The following SETX variants were observed in gnomAD, a reference collection of about 807,000 sequenced individuals.
SETX encodes the protein senataxin.
Under a neutral mutation model 227.2 loss-of-function variants are expected in SETX, and 90 were observed. The ratio of observed to expected loss-of-function variants is 0.40; its 90% CI spans 0.33 to 0.47. The LOEUF (loss-of-function observed/expected upper bound fraction) is 0.47. SETX is among the 20% of genes least tolerant of loss of function. The probability of loss-of-function intolerance (pLI) is 0.91; values close to 1 mark genes in which losing one functional copy is unlikely to be tolerated. For synonymous variants in SETX, 1,210 were observed against 1,113.2 expected, an observed-to-expected ratio of 1.09 and a Z score of -1.73; for missense variants, 3,052 against 3,181.5, an observed-to-expected ratio of 0.96 and a Z score of 0.98.
Position 132,271,775 on chromosome 9 carries a change from C to T in SETX, c.7134G>A (p.Gln2378=). 2 of 1,614,092 alleles carry T rather than the reference C, an allele frequency of 1.2e-6. No individual in the cohort carries two copies. Among genetic ancestry groups the T allele is most frequent in the Non-Finnish European group, 1.7e-6 (2 of 1,179,994 alleles). ...PAEVDTVDAF[Q]GRQKDCVIVT... is the part of the protein sequence containing the mutation. Reference sequence around the variant, plus strand: ...CAATAACACAATCCTTCTGCCGACCCTGGAATGCATCCACAGTGTCTACTT... The same window carrying T: ...CAATAACACAATCCTTCTGCCGACCTTGGAATGCATCCACAGTGTCTACTT... Residue 2378 remains glutamine (Q), a synonymous_variant, in exon 24 of 26, where the codon CAG becomes CAA. Transcript: ENST00000224140.
chr9:132,327,729 T>C lies in SETX; in HGVS notation c.3869A>G (p.Lys1290Arg), dbSNP rs1357542344. 1 of 1,614,100 alleles carries C rather than the reference T, an allele frequency of 6.2e-7. No homozygotes were observed. Among genetic ancestry groups the C allele is most frequent in the Non-Finnish European group, 8.5e-7 (1 of 1,180,042 alleles). The stretch of plus-strand genomic sequence containing the variant: ...CTCATATGCCTTACGAGGACCCTTT[T>C]TCAGGCCAAGTTTCTCAGCTGTTGA... ...PTSTAEKLGL[K>R]KGPRKAYELS... Residue 1290 changes from lysine to arginine, a missense_variant, in exon 10 of 26, where the codon AAA (lysine) becomes AGA (arginine). By Grantham distance (26) the Lys-to-Arg change is conservative. Coordinates refer to ENST00000224140, the MANE Select transcript of SETX (RefSeq NM_015046.7).
intron 15 of SETX, among the ~76,000 whole-genome samples, chr9:132,293,718 CCTG>C (rs1844482454): frequency 1.3e-5 from 2 of 152,036 alleles, no homozygotes; most frequent in South Asian, 4.1e-4. Flanking sequence ...CTGTGCCCAG[CCTG>C]CTAATTAAAA....
At chr9:132,302,305 C>T (rs1057310307) in intron 11 of SETX, among the ~76,000 whole-genome samples, 3 of 134,860 alleles carry the variant, frequency 2.2e-5, no homozygotes, top group East Asian at 2.4e-4. Flanking sequence ...TGCAGTGAGC[C>T]GAGATCACAC....
intron 10 of SETX, among the ~76,000 whole-genome samples, chr9:132,322,474 A>G (rs576272844): frequency 5.3e-5 from 8 of 152,314 alleles, no homozygotes; most frequent in African/African-American, 1.7e-4. Flanking sequence ...ACGGAATCAT[A>G]TAATATGTGA....
Position 132,269,648 on chromosome 9 carries a change from G to A in SETX, c.7254C>T (p.Ser2418=). 4 of 1,614,218 alleles carry A rather than the reference G, an allele frequency of 2.5e-6. No individual in the cohort carries two copies. Among genetic ancestry groups the A allele is most frequent in the Non-Finnish European group, 2.5e-6 (3 of 1,180,028 alleles). ...TCCTCAAATGTCCGAGGATGAAGAG[G>A]CTGTACTTGGCTCGTGTGATGGTGA... is the stretch of plus-strand genomic sequence containing the variant. ...LNVTITRAKY[S]LFILGHLRTL... Residue 2418 remains serine (S), a synonymous_variant, in exon 25 of 26, where the codon AGC becomes AGT. Coordinates refer to ENST00000224140, the MANE Select transcript of SETX (RefSeq NM_015046.7).
At chr9:132,295,390 C>T (rs1286034210) in intron 15 of SETX, among the ~76,000 whole-genome samples, 1 of 152,226 alleles carries the variant, frequency 6.6e-6, no homozygotes, top group Admixed American at 6.5e-5. Flanking sequence ...CTCAAAGCCT[C>T]ATCTTTCACC....
chr9:132,351,002 G>A (rs973259159), intron 2 of SETX, among the ~76,000 whole-genome samples: 1 of 152,114 alleles, frequency 6.6e-6, no homozygotes, highest in African/African-American at 2.4e-5. Context: ...CTAGTACAAG[G>A]GCACTGCAGA....
chr9:132,356,468 C>A (rs1362320117), upstream of SETX, among the ~76,000 whole-genome samples: 2 of 152,186 alleles, frequency 1.3e-5, no homozygotes, highest in Non-Finnish European at 2.9e-5. Flanking sequence ...TCCCAAAGTG[C>A]TGGGATTACA....
At position 132,293,247 on chromosome 9, in the gene SETX, A is replaced by G. The variant is rs559829515; in HGVS notation, c.6106+2625T>C. ...TTCATAACAAAAACACTAATGAGAA[A>G]GCAACTCTTTAACCTGGTAACGGGT... On this transcript the variant is annotated intron_variant, in intron 15 of 25. Transcript: ENST00000224140. 1.5e-4 allele frequency among the ~76,000 whole-genome samples: 23 copies of G among 152,310 alleles called. No individual in the cohort carries two copies. In the South Asian group the frequency reaches 4.3e-3, roughly 29 times the overall value.
rs551534329 is a variant in SETX, at chr9:132,328,479, C to T, written c.3119G>A (p.Cys1040Tyr). ...CTGCTCTGGATGTTCCCTCTCAAGG[C>T]ATATTTTGTCCTGTTTAGTGAGTTT... ...LEKLTKQDKI[C>Y]LEREHPEQHV... The change falls in exon 10 of 26, where the codon TGC becomes TAC. Residue 1040 changes from cysteine (C) to tyrosine (Y), a missense_variant. Physicochemically the swap from Cys to Tyr is radical, Grantham distance 194 (BLOSUM62 -2). Around this residue, in one of 10 missense-constraint regions of SETX, gnomAD observed 1,483 missense variants for 1,312.0 expected, o/e 1.13. Transcript: ENST00000224140. 2 of 1,613,692 alleles carry T rather than the reference C, an allele frequency of 1.2e-6. No individual in the cohort carries two copies. The highest frequency in any genetic ancestry group is 2.2e-5 in the East Asian group (1 of 44,874).
chr9:132,317,594 G>A (rs997053501), intron 10 of SETX, among the ~76,000 whole-genome samples: 13 of 151,510 alleles, frequency 8.6e-5, no homozygotes, highest in African/African-American at 3.2e-4. Flanking sequence ...TGCAACTCCA[G>A]CTTTCTTTGG....
At chr9:132,318,356 C>T (rs922240151) in intron 10 of SETX, among the ~76,000 whole-genome samples, 2 of 152,114 alleles carry the variant, frequency 1.3e-5, no homozygotes, top group Non-Finnish European at 2.9e-5. Flanking sequence ...CGGTTTGTTA[C>T]TTTTCTCTTA....
intron 10 of SETX, among the ~76,000 whole-genome samples, chr9:132,318,999 AC>A (rs1045006194): frequency 1.4e-4 from 21 of 152,128 alleles, no homozygotes; most frequent in African/African-American, 5.1e-4. Context: ...CTTCAACTAC[AC>A]TCCCTGGCTT....
rs1847612945 is a variant in SETX, at chr9:132,336,327, A to G, written c.687T>C (p.Tyr229=). The G allele has an allele frequency of 6.2e-7, 1 of 1,613,700 alleles. No homozygotes were observed. The highest frequency in any genetic ancestry group is 1.3e-5 in the African/African-American group (1 of 74,940). ...AATAGCTTTTGTAGTTGGTAGTATC[A>G]TACATGTGTGAGGGCAGAAGAATCA... ...GKLILLPSHM[Y]DTTNYKSYWL... Residue 229 remains tyrosine (Y), a synonymous_variant, in exon 6 of 26, where the codon TAT becomes TAC. Transcript: ENST00000224140.
In SETX at chr9:132,326,615, A is replaced by C. The variant is rs755672207; in HGVS notation, c.4983T>G (p.Pro1661=). Residue 1661 remains proline (P), a synonymous_variant, in exon 10 of 26, where the codon CCT becomes CCG. Transcript: ENST00000224140. The part of the protein sequence containing the change: ...EMKNSCNVLH[P]QSPNNSNRQG... ...GCCTGTTGGAATTATTCGGAGACTGAGGATGAAGAACATTGCACGAATTCT... is the reference window on the plus strand; with the variant it reads ...GCCTGTTGGAATTATTCGGAGACTGCGGATGAAGAACATTGCACGAATTCT... 2.1e-5 allele frequency: 34 copies of C among 1,614,080 alleles called. No homozygotes were observed. The highest frequency in any genetic ancestry group is 1.5e-4 in the Admixed American group (9 of 59,988).
chr9:132,288,034 G>C (rs556395565), intron 17 of SETX, among the ~76,000 whole-genome samples: 1 of 152,136 alleles, frequency 6.6e-6, no homozygotes, highest in Non-Finnish European at 1.5e-5. Flanking sequence ...AAATTAGCCA[G>C]GTGTGCCGGC....
At position 132,326,736 on chromosome 9, in the gene SETX, G is replaced by C. The variant is rs1846804333; in HGVS notation, c.4862C>G (p.Ser1621Ter). The C allele has an allele frequency of 6.2e-7, 1 of 1,614,212 alleles. No homozygotes were observed. Among genetic ancestry groups the C allele is most frequent in the Non-Finnish European group, 8.5e-7 (1 of 1,180,040 alleles). The change falls in exon 10 of 26, where the codon TCA becomes TGA. Residue 1621 changes from serine (S) to a stop codon, truncating the protein, a stop_gained. Coordinates refer to ENST00000224140, the MANE Select transcript of SETX (RefSeq NM_015046.7). LOFTEE classifies it high-confidence loss of function. ...CTTTGACTTATTTTTTAGAGACGGT[G>C]AAAGTGCTGAAGAAGTTTCCAAAGA... ...SKSLETSSAL[S>*]PSLKNKSKGI...
intron 2 of SETX, among the ~76,000 whole-genome samples, chr9:132,351,370 T>C (rs1848593990): frequency 6.6e-6 from 1 of 152,230 alleles, no homozygotes; most frequent in Non-Finnish European, 1.5e-5. Flanking sequence ...AAGCTCCAAA[T>C]GTTGTGTACT....
At chr9:132,330,580 A>G in intron 9 of SETX, 81 bp from the exon 10 acceptor site, 1 of 1,157,564 alleles carries the variant, frequency 8.6e-7, no homozygotes, top group South Asian at 1.3e-5. Flanking sequence ...TAAGAAAAAT[A>G]CGTTTCTCAA....
Sources: allele counts gnomAD v4.1 joint callset (sites outside exome capture counted in the v4.1 genomes callset), GRCh38; gene constraint gnomAD v4.1.1; regional missense constraint gnomAD v4.1.1; transcripts MANE v1.5; gene names NCBI Gene and HGNC (gene_info 2026-07-23, HGNC 2026-07-21).